KMO: variants seen among roughly 807,000 people sequenced by gnomAD.
The protein encoded by KMO is kynurenine 3-hydroxylase.
In KMO, 24 loss-of-function variants were observed where a neutral mutation model predicts 57.8. That is an observed-to-expected ratio of 0.42 (90% CI 0.30 to 0.58). KMO has a LOEUF of 0.58. Among genes scored for constraint, KMO ranks in the 20% least tolerant of loss-of-function variants. KMO has a pLI of 0.22. For synonymous variants in KMO, 210 were observed against 193.6 expected, an observed-to-expected ratio of 1.08 and a Z score of -0.70; for missense variants, 483 against 588.2, an observed-to-expected ratio of 0.82 and a Z score of 1.85.
In KMO at chr1:241,592,784, A is replaced by G. The variant is rs192750108; in HGVS notation, c.*631A>G. 1 of 151,646 alleles carries G rather than the reference A, an allele frequency of 6.6e-6. No individual in the cohort carries two copies. Among genetic ancestry groups the G allele is most frequent in the Non-Finnish European group, 1.5e-5 (1 of 68,350 alleles). The allele number at this position is 151,646 out of a possible 1,614,324, so 9.4% of individuals were successfully genotyped here. A position where few individuals can be genotyped will look rare whatever the true frequency, so the allele number is the denominator to read the frequency against. On this transcript the variant is annotated 3_prime_UTR_variant, in exon 15 of 15. Coordinates refer to ENST00000366559, the MANE Select transcript of KMO (RefSeq NM_003679.5). Reference sequence around the variant, plus strand: ...TATCTATCTATCTATCTATCTATCTATCTATCTATCTATCTCTATTTATTT... The same window carrying G: ...TATCTATCTATCTATCTATCTATCTGTCTATCTATCTATCTCTATTTATTT...
intron 10 of KMO, chr1:241,586,477 G>GGT: frequency 1.9e-6 from 1 of 521,820 alleles, no homozygotes; most frequent in Non-Finnish European, 3.5e-6. Context: ...TGGGATTACA[G>GGT]GTGTGAGCCA....
chr1:241,585,789 A>C (rs1558431154), intron 10 of KMO, among the ~76,000 whole-genome samples: 1 of 151,704 alleles, frequency 6.6e-6, no homozygotes, highest in Non-Finnish European at 1.5e-5. Flanking sequence ...AAAACCAAAA[A>C]GAAAAAAAAT....
intron 1 of KMO, among the ~76,000 whole-genome samples, chr1:241,540,130 T>C (rs139377873): frequency 7.9e-4 from 120 of 152,328 alleles, no homozygotes; most frequent in African/African-American, 2.7e-3. Context: ...TTTATATACA[T>C]AGAAAATGTT....
At chr1:241,538,098 A>G (rs1254399283) in intron 1 of KMO, among the ~76,000 whole-genome samples, 1 of 152,178 alleles carries the variant, frequency 6.6e-6, no homozygotes, top group East Asian at 1.9e-4. Context: ...GCAGTGGGGA[A>G]AAATGAATAG....
At chr1:241,554,204 T>C (rs1410309471) in intron 4 of KMO, among the ~76,000 whole-genome samples, 4 of 151,932 alleles carry the variant, frequency 2.6e-5, no homozygotes, top group Non-Finnish European at 5.9e-5. Flanking sequence ...TTATTACATA[T>C]TTTTTATTAC....
chr1:241,568,708 G>C, intron 10 of KMO, 61 bp downstream of exon 10: 1 of 1,508,114 alleles, frequency 6.6e-7, no homozygotes, highest in Non-Finnish European at 9.1e-7. Flanking sequence ...CAGCTAACAA[G>C]TCTTACGTAA....
chr1:241,594,460 T>G lies in KMO; in HGVS notation c.*2307T>G. The G allele has an allele frequency of 6.2e-7, 1 of 1,614,156 alleles. No homozygotes were observed. Among genetic ancestry groups the G allele is most frequent in the Non-Finnish European group, 8.5e-7 (1 of 1,179,994 alleles). ...GGACGAACTTGGATTACATCAACTT[T>G]GGACCCATTGGTTTTGTCGCTGTCG... On this transcript the variant is annotated 3_prime_UTR_variant, in exon 15 of 15. Transcript: ENST00000366559.
At chr1:241,549,119 A>C (rs1661271144) in intron 2 of KMO, among the ~76,000 whole-genome samples, 1 of 151,588 alleles carries the variant, frequency 6.6e-6, no homozygotes, top group Admixed American at 6.6e-5. Flanking sequence ...CAGTGAGGCG[A>C]GATCATGCCA....
At chr1:241,585,630 G>A (rs1283230674) in intron 10 of KMO, among the ~76,000 whole-genome samples, 3 of 151,656 alleles carry the variant, frequency 2.0e-5, no homozygotes, top group Admixed American at 6.6e-5. Context: ...GGTGGTGCAC[G>A]CCTGTAATCC....
chr1:241,582,483 A>T (rs1432407766), intron 10 of KMO, among the ~76,000 whole-genome samples: 2 of 151,980 alleles, frequency 1.3e-5, no homozygotes, highest in African/African-American at 4.8e-5. Context: ...TTTCCCTCTG[A>T]CTGTATTTTT....
At chr1:241,552,295 C>T (rs1661437255) in intron 4 of KMO, among the ~76,000 whole-genome samples, 1 of 152,102 alleles carries the variant, frequency 6.6e-6, no homozygotes, top group Non-Finnish European at 1.5e-5. Flanking sequence ...CGGCCCCTCC[C>T]GCATCATTCC....
At chr1:241,539,902 C>T (rs543301559) in intron 1 of KMO, among the ~76,000 whole-genome samples, 3 of 152,210 alleles carry the variant, frequency 2.0e-5, no homozygotes, top group South Asian at 2.1e-4. Context: ...AACGTGTATG[C>T]GTCATACAAT....
At chr1:241,543,036 C>A (rs979759243) in intron 1 of KMO, among the ~76,000 whole-genome samples, 2 of 152,110 alleles carry the variant, frequency 1.3e-5, no homozygotes, top group African/African-American at 4.8e-5. Flanking sequence ...GAATTGCGGT[C>A]ATATTTATAC....
At chr1:241,565,337 C>A (rs1234749350) in intron 8 of KMO, among the ~76,000 whole-genome samples, 1 of 152,014 alleles carries the variant, frequency 6.6e-6, no homozygotes, top group African/African-American at 2.4e-5. Context: ...AGGAAACAGC[C>A]CTTCCAGTAA....
At chr1:241,533,499 C>A (rs112972691) in intron 1 of KMO, among the ~76,000 whole-genome samples, 32 of 152,280 alleles carry the variant, frequency 2.1e-4, no homozygotes, top group African/African-American at 7.5e-4. Flanking sequence ...ATTTCTGATT[C>A]TAAATTTTCA....
intron 14 of KMO, among the ~76,000 whole-genome samples, chr1:241,591,703 C>G (rs1663307735): frequency 6.6e-6 from 1 of 152,156 alleles, no homozygotes; most frequent in Non-Finnish European, 1.5e-5. Context: ...CAAAAGCTGA[C>G]TGCTAAATTT....
intron 10 of KMO, among the ~76,000 whole-genome samples, chr1:241,573,685 G>A (rs1214725806): frequency 6.6e-6 from 1 of 152,064 alleles, no homozygotes; most frequent in Admixed American, 6.6e-5. Context: ...TAGCCTTGTA[G>A]TATAATTTAA....
intron 1 of KMO, among the ~76,000 whole-genome samples, chr1:241,533,543 T>A (rs1660650816): frequency 6.6e-6 from 1 of 152,202 alleles, no homozygotes; most frequent in African/African-American, 2.4e-5. Flanking sequence ...TGTTGGTCAC[T>A]GGTTGGGACA....
At chr1:241,568,761 A>G (rs147533309) in intron 10 of KMO, 114 bp downstream of exon 10, 1,152 of 1,014,108 alleles carry the variant, frequency 1.1e-3, no homozygotes, top group Non-Finnish European at 1.3e-3. Flanking sequence ...CTGAAAGCAC[A>G]ATCAATTCAG....
Sources: gnomAD v4.1 joint callset for allele counts (sites outside exome capture counted in the v4.1 genomes callset) on GRCh38, gnomAD v4.1.1 for gene constraint, MANE v1.5 for transcripts, NCBI Gene and HGNC (gene_info 2026-07-23, HGNC 2026-07-21) for gene names.